Variants in CNTNAP5 observed in about 807,000 individuals in gnomAD.
CNTNAP5 encodes the protein contactin-associated protein-like 5.
CNTNAP5 carries 72 observed loss-of-function variants against 150.2 expected under a neutral mutation model. The ratio of observed to expected loss-of-function variants is 0.48; its 90% confidence interval spans 0.40 to 0.58. The LOEUF (loss-of-function observed/expected upper bound fraction) is 0.58. Ranked by LOEUF, CNTNAP5 falls within the 20% of genes least tolerant of loss-of-function variation. The probability of loss-of-function intolerance (pLI) is 0.00; values close to 1 mark genes in which losing one functional copy is unlikely to be tolerated. For synonymous variants in CNTNAP5, 672 were observed against 619.8 expected, an observed-to-expected ratio of 1.08 and a Z score of -1.25; for missense variants, 1,636 against 1,626.2, an observed-to-expected ratio of 1.01 and a Z score of -0.10.
At chr2:124,434,967 T>C (rs926994514) in intron 5 of CNTNAP5, among the ~76,000 whole-genome samples, 2 of 152,204 alleles carry the variant, frequency 1.3e-5, no homozygotes, top group Non-Finnish European at 2.9e-5. Flanking sequence ...AAAAAAACTT[T>C]CACAAGTTTA....
At chr2:124,468,997 T>G (rs182266332) in intron 6 of CNTNAP5, among the ~76,000 whole-genome samples, 1 of 152,336 alleles carries the variant, frequency 6.6e-6, no homozygotes, top group African/African-American at 2.4e-5. Context: ...TATGGGTACT[T>G]CTGGAGGCAG....
chr2:124,620,630 T>C (rs1181537739), intron 12 of CNTNAP5, among the ~76,000 whole-genome samples: 1 of 152,016 alleles, frequency 6.6e-6, no homozygotes, highest in African/African-American at 2.4e-5. Flanking sequence ...GGATAAATCA[T>C]CTAACATTTC....
intron 6 of CNTNAP5, among the ~76,000 whole-genome samples, chr2:124,459,002 T>C (rs1693186902): frequency 6.6e-6 from 1 of 152,220 alleles, no homozygotes; most frequent in South Asian, 2.1e-4. Flanking sequence ...GTGATGTTAT[T>C]CAAAACTGGA....
chr2:124,737,887 T>C (rs779206764), intron 13 of CNTNAP5, among the ~76,000 whole-genome samples: 5 of 151,890 alleles, frequency 3.3e-5, no homozygotes, highest in Non-Finnish European at 5.9e-5. Flanking sequence ...TACCTCATAG[T>C]GTTGTTGTGG....
rs1312700616 is a variant in CNTNAP5 at position 124,864,805 on chromosome 2, C to T, written c.3218-501C>T. Among the ~76,000 whole-genome samples the T allele has an allele frequency of 2.0e-5, 3 of 152,074 alleles. No individual in the cohort carries two copies. The East Asian group carries it at 5.8e-4, about 29-fold the overall frequency. On this transcript the variant is annotated intron_variant, in intron 19 of 23. Coordinates refer to ENST00000682447, the MANE Select transcript of CNTNAP5 (RefSeq NM_001367498.1). ...AAAGGGTTAAAAGGGTTAATGGACCCTAAAGGGTTAAAGTGAGGCACTGTG... is the reference window on the plus strand; with the variant it reads ...AAAGGGTTAAAAGGGTTAATGGACCTTAAAGGGTTAAAGTGAGGCACTGTG...
chr2:124,721,251 C>T (rs763275625), intron 13 of CNTNAP5, among the ~76,000 whole-genome samples: 4 of 152,002 alleles, frequency 2.6e-5, no homozygotes, highest in Admixed American at 1.3e-4. Flanking sequence ...GGCCGAGGCA[C>T]GTGGATCACT....
At chr2:124,285,357 G>A (rs1048454879) in intron 3 of CNTNAP5, among the ~76,000 whole-genome samples, 3 of 152,232 alleles carry the variant, frequency 2.0e-5, no homozygotes, top group African/African-American at 4.8e-5. Flanking sequence ...CTTAAGAAGC[G>A]AGATTAACTA....
At chr2:124,494,357 G>A (rs1504004) in intron 7 of CNTNAP5, among the ~76,000 whole-genome samples, 71,632 of 151,720 alleles carry the variant, frequency 0.47, 17,043 homozygotes, top group Middle Eastern at 0.59. Context: ...TGTTGTTCAA[G>A]GACAGGAGAG....
At chr2:124,708,997 G>A (rs188246447) in intron 13 of CNTNAP5, among the ~76,000 whole-genome samples, 1 of 152,118 alleles carries the variant, frequency 6.6e-6, no homozygotes, top group African/African-American at 2.4e-5. Flanking sequence ...CTCACCGTGC[G>A]CTGTGCTTCA....
chr2:124,228,769 C>T (rs1040471215), intron 2 of CNTNAP5, among the ~76,000 whole-genome samples: 1 of 152,162 alleles, frequency 6.6e-6, no homozygotes, highest in African/African-American at 2.4e-5. Flanking sequence ...TTCTACTCTA[C>T]ACCATTCAGC....
In CNTNAP5 at chr2:124,919,759, A is replaced by C. The variant is rs1366512812; in HGVS notation, c.*5471A>C. ...TTCTTCAGTCACATTCTTTTTTTTC[A>C]ATTTTTAAATTTTTTTTCAGGATTT... On this transcript the variant is annotated 3_prime_UTR_variant, in exon 24 of 24. Transcript: ENST00000682447. Among the ~76,000 whole-genome samples the C allele has an allele frequency of 6.6e-6, 1 of 151,438 alleles. No homozygotes were observed. Among genetic ancestry groups the C allele is most frequent in the African/African-American group, 2.4e-5 (1 of 41,186 alleles).
Position 124,914,372 on chromosome 2 carries a change from A to T in CNTNAP5, c.*84A>T, listed in dbSNP as rs755883652. 2.0e-6 allele frequency: 2 copies of T among 989,710 alleles called. No individual in the cohort carries two copies. The highest frequency in any genetic ancestry group is 4.8e-5 in the Admixed American group (2 of 41,664). 61.3% of individuals were successfully genotyped at this position (989,710 alleles called of 1,614,324 possible). A position where few individuals can be genotyped will look rare whatever the true frequency, so the allele number is the denominator to read the frequency against. On this transcript the variant is annotated 3_prime_UTR_variant, in exon 24 of 24. Coordinates refer to ENST00000682447, the MANE Select transcript of CNTNAP5 (RefSeq NM_001367498.1). ...TTCTCTCCTGTCTTTTGATTTGGTCATTCTCTTTATTTTCTGCTTGCCATG... is the reference window on the plus strand; with the variant it reads ...TTCTCTCCTGTCTTTTGATTTGGTCTTTCTCTTTATTTTCTGCTTGCCATG...
At chr2:124,551,515 C>T (rs972069821) in intron 10 of CNTNAP5, among the ~76,000 whole-genome samples, 69 of 152,268 alleles carry the variant, frequency 4.5e-4, no homozygotes, top group Middle Eastern at 3.4e-3. Context: ...GACAAAGGAA[C>T]GCAACCTAGC....
chr2:124,341,283 C>A (rs1315023985), intron 3 of CNTNAP5, among the ~76,000 whole-genome samples: 2 of 152,092 alleles, frequency 1.3e-5, no homozygotes, highest in Non-Finnish European at 2.9e-5. Flanking sequence ...GTGGAGTACT[C>A]AGAAACAAGA....
At chr2:124,252,523 C>T (rs1485840374) in intron 3 of CNTNAP5, among the ~76,000 whole-genome samples, 1 of 152,160 alleles carries the variant, frequency 6.6e-6, no homozygotes, top group Admixed American at 6.6e-5. Context: ...TCAAAAAGCC[C>T]TTGAGTCTTG....
At chr2:124,776,867 T>C (rs1681335570) in intron 17 of CNTNAP5, among the ~76,000 whole-genome samples, 1 of 152,210 alleles carries the variant, frequency 6.6e-6, no homozygotes, top group Non-Finnish European at 1.5e-5. Flanking sequence ...TTTTTAACAT[T>C]ATATAAATCT....
At chr2:124,176,760 T>C (rs1685074939) in intron 1 of CNTNAP5, among the ~76,000 whole-genome samples, 1 of 151,618 alleles carries the variant, frequency 6.6e-6, no homozygotes, top group Admixed American at 6.6e-5. Context: ...TTTCTGGGCA[T>C]GGGGCAGAAC....
At chr2:124,413,333 G>A (rs374511046) in intron 3 of CNTNAP5, among the ~76,000 whole-genome samples, 1 of 151,314 alleles carries the variant, frequency 6.6e-6, no homozygotes, top group African/African-American at 2.4e-5. Flanking sequence ...CGATTCCTCA[G>A]GGATCTAGAA....
At chr2:124,811,501 G>T (rs1429037181) in intron 19 of CNTNAP5, among the ~76,000 whole-genome samples, 1 of 152,000 alleles carries the variant, frequency 6.6e-6, no homozygotes, top group Non-Finnish European at 1.5e-5. Context: ...CAATAAATAT[G>T]TATAAATATC....
Sources: allele counts gnomAD v4.1 joint callset (sites outside exome capture counted in the v4.1 genomes callset), GRCh38; gene constraint gnomAD v4.1.1; transcripts MANE v1.5; gene names NCBI Gene and HGNC (gene_info 2026-07-23, HGNC 2026-07-21).